LRRC4B: variants seen among roughly 807,000 people sequenced by gnomAD.
The protein encoded by LRRC4B is leucine rich repeat containing 4B.
LRRC4B carries 1 observed loss-of-function variant against 7.3 expected under a neutral mutation model. The observed-to-expected ratio is 0.14, with a 90% CI of 0.05 to 0.65. The LOEUF (loss-of-function observed/expected upper bound fraction) is 0.65, where lower values mean the gene tolerates loss of function less well. Among genes scored for constraint, LRRC4B ranks in the 30% least tolerant of loss-of-function variants. The pLI, the probability that LRRC4B is intolerant of heterozygous loss-of-function variation, is 0.84. For missense variants in LRRC4B, 730 were observed against 1,041.6 expected (o/e 0.70, Z 4.12); for synonymous variants, 500 against 499.2 (o/e 1.00, Z -0.02).
rs922328517 is a variant in LRRC4B at position 50,556,292 on chromosome 19, G to T, written c.-35-7419C>A. 1.3e-5 allele frequency among the ~76,000 whole-genome samples: 2 copies of T among 151,824 alleles called. No homozygotes were observed. The highest frequency in any genetic ancestry group is 2.9e-5 in the Non-Finnish European group (2 of 67,910). ...GGGGTGAGGTGCAGTGGGTGGGGGT[G>T]AGGTGGTGACTTGCTTGGAGGGGGG... On this transcript the variant is annotated intron_variant, in intron 1 of 2. Transcript: ENST00000652263. The surrounding 1 kb of genome is among the most constrained non-coding windows in gnomAD (Gnocchi z 4.2).
At chr19:50,525,406 C>T (rs1374483537) in intron 2 of LRRC4B, among the ~76,000 whole-genome samples, 1 of 136,026 alleles carries the variant, frequency 7.4e-6, no homozygotes, top group Non-Finnish European at 1.6e-5. Context: ...AAGAACCGTA[C>T]TTTTTTTTTT....
Position 50,548,416 on chromosome 19 carries a change from G to A in LRRC4B, c.297+126C>T. On this transcript the variant is annotated intron_variant, in intron 2 of 2. Transcript: ENST00000652263. This position sits in a 1 kb window ranked among gnomAD's most constrained non-coding sequence, Gnocchi z 6.8. ...CAGCTGATAGGATGCAGACCCGCAG[G>A]CCACATCCACAGGTGCCGGAGACGG... 12 of 1,314,794 alleles carry A rather than the reference G, an allele frequency of 9.1e-6. No homozygotes were observed. Among genetic ancestry groups the A allele is most frequent in the Non-Finnish European group, 1.2e-5 (12 of 961,880 alleles). 81.4% of individuals were successfully genotyped at this position (1,314,794 alleles called of 1,614,324 possible).
chr19:50,549,280 G>A (rs915653786), intron 1 of LRRC4B, among the ~76,000 whole-genome samples: 13 of 152,284 alleles, frequency 8.5e-5, no homozygotes, highest in Non-Finnish European at 1.5e-4. Context: ...CAGACAAGGC[G>A]AGGGGGCAGA....
chr19:50,546,748 C>G (rs570494366), intron 2 of LRRC4B, among the ~76,000 whole-genome samples: 4 of 152,310 alleles, frequency 2.6e-5, no homozygotes, highest in East Asian at 3.9e-4. Context: ...CTCGCCCCCC[C>G]ACAAAGAGAA....
intron 1 of LRRC4B, among the ~76,000 whole-genome samples, chr19:50,566,861 G>A (rs1248011406): frequency 6.6e-6 from 1 of 150,400 alleles, no homozygotes; most frequent in African/African-American, 2.5e-5. Context: ...AGAGAGTGAT[G>A]GGCTAAGGAG....
At chr19:50,545,343 G>A (rs1197974682) in intron 2 of LRRC4B, among the ~76,000 whole-genome samples, 1 of 151,302 alleles carries the variant, frequency 6.6e-6, no homozygotes, top group Non-Finnish European at 1.5e-5. Flanking sequence ...AGGAGGTGGA[G>A]GTTGCGGTGA....
At chr19:50,552,143 T>C (rs1982094483) in intron 1 of LRRC4B, among the ~76,000 whole-genome samples, 1 of 152,012 alleles carries the variant, frequency 6.6e-6, no homozygotes, top group African/African-American at 2.4e-5. Context: ...GACAGCCTCG[T>C]TGGCTGCATG....
At chr19:50,558,250 C>CAT (rs1982348747) in intron 1 of LRRC4B, among the ~76,000 whole-genome samples, 1 of 151,780 alleles carries the variant, frequency 6.6e-6, no homozygotes, top group Non-Finnish European at 1.5e-5. Context: ...TACATACATA[C>CAT]ACACACACAC....
chr19:50,527,328 G>A (rs1274151557), intron 2 of LRRC4B, among the ~76,000 whole-genome samples: 44 of 149,832 alleles, frequency 2.9e-4, no homozygotes, highest in Non-Finnish European at 1.6e-4. Flanking sequence ...CACCACGCCC[G>A]GCTGTTTTCT....
chr19:50,542,035 C>A (rs762500065), intron 2 of LRRC4B, among the ~76,000 whole-genome samples: 1 of 152,208 alleles, frequency 6.6e-6, no homozygotes, highest in Non-Finnish European at 1.5e-5. Flanking sequence ...CTTAACGCAG[C>A]TTCATCTGCA....
Position 50,519,917 on chromosome 19 carries a change from C to A in LRRC4B, c.298-502G>T, listed in dbSNP as rs1238102570. ...GATTCAAGAATTTTGGGGGACCAAGCACAGGGGTGGCTCATGCCTGTAATC... is the reference window on the plus strand; with the variant it reads ...GATTCAAGAATTTTGGGGGACCAAGAACAGGGGTGGCTCATGCCTGTAATC... On this transcript the variant is annotated intron_variant, in intron 2 of 2. Transcript: ENST00000652263. The surrounding 1 kb of genome is among the most constrained non-coding windows in gnomAD (Gnocchi z 8.1). Among the ~76,000 whole-genome samples the A allele has an allele frequency of 2.0e-5, 3 of 148,168 alleles. No homozygotes were observed. Among genetic ancestry groups the A allele is most frequent in the Admixed American group, 2.0e-4 (3 of 14,842 alleles).
chr19:50,538,559 G>GTTTTTTTTTTTT (rs71886675), intron 2 of LRRC4B, among the ~76,000 whole-genome samples: 2 of 90,350 alleles, frequency 2.2e-5, no homozygotes, highest in Non-Finnish European at 4.7e-5. Context: ...GTTTTGTCTT[G>GTTTTTTTTTTTT]TTTTTTTTTT....
intron 1 of LRRC4B, among the ~76,000 whole-genome samples, chr19:50,550,438 C>T (rs1021367861): frequency 1.2e-4 from 9 of 74,250 alleles, no homozygotes; most frequent in African/African-American, 4.5e-4. Flanking sequence ...ATGGGGCACA[C>T]CCTCTCACGG....
At chr19:50,531,310 C>T (rs922916996) in intron 2 of LRRC4B, among the ~76,000 whole-genome samples, 3 of 152,254 alleles carry the variant, frequency 2.0e-5, no homozygotes, top group Non-Finnish European at 4.4e-5. Flanking sequence ...GGGGAGCGTG[C>T]ACCTGGGGCT....
intron 2 of LRRC4B, among the ~76,000 whole-genome samples, chr19:50,540,499 G>A (rs142647429): frequency 1.5e-3 from 231 of 152,216 alleles, no homozygotes; most frequent in Non-Finnish European, 2.4e-3. Context: ...TGGGATTACA[G>A]ACACCTGCCA....
At chr19:50,532,622 G>A (rs1393664287) in intron 2 of LRRC4B, among the ~76,000 whole-genome samples, 1 of 152,008 alleles carries the variant, frequency 6.6e-6, no homozygotes, top group Admixed American at 6.6e-5. Context: ...TTTGACCCCT[G>A]GTCCCTCATC....
chr19:50,529,955 T>TC (rs35528359), intron 2 of LRRC4B, among the ~76,000 whole-genome samples: 14 of 123,882 alleles, frequency 1.1e-4, no homozygotes, highest in East Asian at 2.3e-4. Context: ...CTCCCCTCCC[T>TC]CCCTTCAGGG....
Position 50,518,176 on chromosome 19 carries a change from G to C in LRRC4B, c.1537C>G (p.Pro513Ala), listed in dbSNP as rs767344542. 1 of 1,607,450 alleles carries C rather than the reference G, an allele frequency of 6.2e-7. No individual in the cohort carries two copies. ...ALQPRGTEKE[P>A]PGPTTDGVWG... ...ACACCGTCTGTCGTGGGCCCTGGCG[G>C]TTCCTTCTCCGTCCCCCGCGGCTGC... The change falls in exon 3 of 3, where the codon CCG becomes GCG. Residue 513 changes from proline to alanine, a missense_variant. By Grantham distance (27) the Pro-to-Ala change is conservative. Transcript: ENST00000652263.
intron 2 of LRRC4B, among the ~76,000 whole-genome samples, chr19:50,546,758 A>AGTTCT (rs1981833513): frequency 5.3e-5 from 8 of 152,178 alleles, no homozygotes; most frequent in South Asian, 4.1e-4. Context: ...CACAAAGAGA[A>AGTTCT]ACGGGTCCAG....
Sources: gnomAD v4.1 joint callset for allele counts (sites outside exome capture counted in the v4.1 genomes callset) on GRCh38, gnomAD v4.1.1 for gene constraint, Gnocchi (gnomAD v3.1) non-coding constraint, MANE v1.5 for transcripts, NCBI Gene and HGNC (gene_info 2026-07-23, HGNC 2026-07-21) for gene names.